ARHGAP6: variants seen among roughly 807,000 people sequenced by gnomAD.
ARHGAP6 encodes Rho GTPase activating protein 6.
In ARHGAP6, 16 loss-of-function variants were observed where a neutral mutation model predicts 55.7. The observed-to-expected ratio is 0.29, with a 90% CI of 0.19 to 0.44. The LOEUF (loss-of-function observed/expected upper bound fraction) is 0.44, where lower values mean the gene tolerates loss of function less well. ARHGAP6 is among the 20% of genes least tolerant of loss of function. The pLI is 1.00. For synonymous variants in ARHGAP6, 382 were observed against 360.9 expected (o/e 1.06, Z -0.66); for missense variants, 698 against 808.9 (o/e 0.86, Z 1.66).
chrX:11,265,999 ATGAG>A lies in ARHGAP6; in HGVS notation c.589-11296_589-11293del, dbSNP rs777926483. The stretch of plus-strand genomic sequence containing the variant: ...GCTGTGTCCCTGAGTAAGTGCACAA[ATGAG>A]TGAGTGCGTGTGTTTGTATGCGTGT... On this transcript the variant is annotated intron_variant, in intron 1 of 12. Coordinates refer to ENST00000337414, the MANE Select transcript of ARHGAP6 (RefSeq NM_013427.3). 8 of 898,752 alleles carry A rather than the reference ATGAG, an allele frequency of 8.9e-6. No individual in the cohort carries two copies. In the East Asian group the frequency reaches 6.4e-4, roughly 72 times the overall value. The allele number at this position is 898,752 out of a possible 1,213,427, so 74.1% of individuals were successfully genotyped here. A position where few individuals can be genotyped will look rare whatever the true frequency, so the allele number is the denominator to read the frequency against.
At chrX:11,433,992 T>A (rs1470426131) in intron 1 of ARHGAP6, among the ~76,000 whole-genome samples, 1 of 111,793 alleles carries the variant, frequency 8.9e-6, no homozygotes, top group African/African-American at 3.3e-5. Flanking sequence ...TGGTGTCCCA[T>A]CCACACCTCC....
At position 11,220,209 on chromosome X, in the gene ARHGAP6, C is replaced by T. The variant is rs1185974044; in HGVS notation, c.749-23213G>A. Among the ~76,000 whole-genome samples, 4 of 110,949 alleles carry T rather than the reference C, an allele frequency of 3.6e-5. No individual in the cohort carries two copies. In the East Asian group the frequency reaches 8.5e-4, roughly 24 times the overall value. On this transcript the variant is annotated intron_variant, in intron 2 of 12. Coordinates refer to ENST00000337414, the MANE Select transcript of ARHGAP6 (RefSeq NM_013427.3). ...AGATCAGATAGTTGTAGATATGCGGCCTTATTTCTGAGGGCTCTGTTCTGT... is the reference window on the plus strand; with the variant it reads ...AGATCAGATAGTTGTAGATATGCGGTCTTATTTCTGAGGGCTCTGTTCTGT...
At chrX:11,359,189 T>C (rs1384135714) in intron 1 of ARHGAP6, among the ~76,000 whole-genome samples, 1 of 112,145 alleles carries the variant, frequency 8.9e-6, no homozygotes, top group African/African-American at 3.2e-5. Context: ...GAGCTGATGG[T>C]ATGAATCTGT....
rs998685631 is a variant in ARHGAP6, at chrX:11,138,819, A to T, written c.*44T>A. ...CCACCCACGGTCCCCCCTGGGCTGG[A>T]GGGCGGGGGGCTCGGGGCAGGGGGG... is the stretch of plus-strand genomic sequence containing the variant. On this transcript the variant is annotated 3_prime_UTR_variant, in exon 13 of 13. Coordinates refer to ENST00000337414, the MANE Select transcript of ARHGAP6 (RefSeq NM_013427.3). The T allele has an allele frequency of 1.2e-4, 139 of 1,139,133 alleles. No homozygotes were observed. Among genetic ancestry groups the T allele is most frequent in the Non-Finnish European group, 1.5e-4 (133 of 860,468 alleles). 93.9% of individuals were successfully genotyped at this position (1,139,133 alleles called of 1,213,427 possible).
chrX:11,305,596 A>G (rs1379308343), intron 1 of ARHGAP6, among the ~76,000 whole-genome samples: 2 of 111,647 alleles, frequency 1.8e-5, no homozygotes, highest in African/African-American at 3.3e-5. Flanking sequence ...GATTGTGTCT[A>G]CCCGAGTGAT....
Position 11,411,183 on chromosome X carries a change from T to TTATATATATATATATATATATATA in ARHGAP6, c.589-156500_589-156477dup, listed in dbSNP as rs201875323. Among the ~76,000 whole-genome samples the TTATATATATATATATATATATATA allele has an allele frequency of 5.0e-4, 16 of 31,791 alleles. 1 individual carries two copies. Among genetic ancestry groups the TTATATATATATATATATATATATA allele is most frequent in the Non-Finnish European group, 7.5e-4 (13 of 17,252 alleles). 27.6% of individuals were successfully genotyped at this position (31,791 alleles called of 115,157 possible). A position where few individuals can be genotyped will look rare whatever the true frequency, so the allele number is the denominator to read the frequency against. ...GGCCTGTGTCACTGGCAGACATTAT[T>TTATATATATATATATATATATATA]TATATATATATATATATATATATAT... On this transcript the variant is annotated intron_variant, in intron 1 of 12. Coordinates refer to ENST00000337414, the MANE Select transcript of ARHGAP6 (RefSeq NM_013427.3).
At chrX:11,365,490 A>G (rs2049063769) in intron 1 of ARHGAP6, among the ~76,000 whole-genome samples, 1 of 112,516 alleles carries the variant, frequency 8.9e-6, no homozygotes, top group Non-Finnish European at 1.9e-5. Context: ...AGATCAATCA[A>G]TTCTTATTTT....
At chrX:11,170,410 A>C (rs754609131) in intron 8 of ARHGAP6, among the ~76,000 whole-genome samples, 1 of 112,305 alleles carries the variant, frequency 8.9e-6, no homozygotes, top group East Asian at 2.8e-4. Context: ...CAGGAAGCTC[A>C]GTGTGGTAGG....
At chrX:11,329,927 G>C in intron 1 of ARHGAP6, among the ~76,000 whole-genome samples, 1 of 112,851 alleles carries the variant, frequency 8.9e-6, no homozygotes. Flanking sequence ...GTAACAATAT[G>C]GTATTATAAT....
At chrX:11,172,366 T>C (rs1177318537) in intron 8 of ARHGAP6, among the ~76,000 whole-genome samples, 2 of 111,853 alleles carry the variant, frequency 1.8e-5, no homozygotes, top group Non-Finnish European at 3.8e-5. Flanking sequence ...CAAGTTTTCA[T>C]TTAATTTTTC....
At chrX:11,534,398 G>A (rs889417052) in intron 1 of ARHGAP6, among the ~76,000 whole-genome samples, 1 of 111,250 alleles carries the variant, frequency 9.0e-6, no homozygotes, top group Non-Finnish European at 1.9e-5. Context: ...GTAAAGTGGA[G>A]TTTCTCAGCC....
At chrX:11,633,601 T>C (rs2052384503) in intron 1 of ARHGAP6, among the ~76,000 whole-genome samples, 1 of 112,154 alleles carries the variant, frequency 8.9e-6, no homozygotes, top group African/African-American at 3.2e-5. Context: ...GAGCACCTGC[T>C]TTGTGTGCTT....
chrX:11,600,994 C>T (rs1407295743), intron 1 of ARHGAP6, among the ~76,000 whole-genome samples: 2 of 112,035 alleles, frequency 1.8e-5, no homozygotes, highest in Non-Finnish European at 3.8e-5. Flanking sequence ...CTTGGCACTT[C>T]CATCCTGTAC....
chrX:11,172,837 G>A (rs1413596310), intron 8 of ARHGAP6, among the ~76,000 whole-genome samples: 1 of 111,231 alleles, frequency 9.0e-6, no homozygotes, highest in Non-Finnish European at 1.9e-5. Context: ...ACGTACACTC[G>A]AGCCAGGCCA....
chrX:11,427,576 C>T (rs1479039359), intron 1 of ARHGAP6: 4 of 912,787 alleles, frequency 4.4e-6, no homozygotes, highest in Middle Eastern at 3.8e-4. Flanking sequence ...CTTCTCGCCG[C>T]GGTACACCGG....
intron 1 of ARHGAP6, among the ~76,000 whole-genome samples, chrX:11,304,279 G>A (rs1027525357): frequency 1.2e-3 from 133 of 110,076 alleles, no homozygotes; most frequent in African/African-American, 3.9e-3. Context: ...TAGTAGAAAC[G>A]GGGTTTCACC....
At chrX:11,638,415 C>G (rs5935127) in intron 1 of ARHGAP6, among the ~76,000 whole-genome samples, 20,885 of 111,190 alleles carry the variant, frequency 0.19, 1,914 homozygotes, top group African/African-American at 0.34. Flanking sequence ...TGCAAATAAC[C>G]AAACTTCAGG....
At chrX:11,611,521 C>T (rs900164522) in intron 1 of ARHGAP6, among the ~76,000 whole-genome samples, 9 of 111,680 alleles carry the variant, frequency 8.1e-5, no homozygotes, top group Admixed American at 4.8e-4. Flanking sequence ...GTTGCTAAAG[C>T]TTATCTTTCC....
In ARHGAP6 at chrX:11,139,038, C is replaced by T. The variant is rs745356331; in HGVS notation, c.2750G>A (p.Arg917Gln). 3.6e-5 allele frequency: 43 copies of T among 1,206,634 alleles called. No homozygotes were observed. Among genetic ancestry groups the T allele is most frequent in the Middle Eastern group, 2.4e-4 (1 of 4,189 alleles). ...TTTTTTCTGCGTGACCTGCTGCTCT[C>T]GCTCGGCTGCTTGGCCTCCCTGGTC... is the stretch of plus-strand genomic sequence containing the variant. Reference protein sequence around the residue: ...PTDQGGQAAEREQQVTQKKLS... With the variant: ...PTDQGGQAAEQEQQVTQKKLS... Residue 917 changes from arginine to glutamine, a missense_variant, in exon 13 of 13, where the codon CGA (arginine) becomes CAA (glutamine). Around this residue, in one of 3 missense-constraint regions of ARHGAP6, gnomAD observed 212 missense variants for 208.7 expected, o/e 1.02. Transcript: ENST00000337414.
Sources: gnomAD v4.1 joint callset for allele counts (sites outside exome capture counted in the v4.1 genomes callset) on GRCh38, gnomAD v4.1.1 for gene constraint, gnomAD v4.1.1 regional missense constraint, MANE v1.5 for transcripts, NCBI Gene and HGNC (gene_info 2026-07-23, HGNC 2026-07-21) for gene names.